ATF7IP: variants seen among roughly 807,000 people sequenced by gnomAD.
The protein encoded by ATF7IP is activating transcription factor 7-interacting protein 1.
Under a neutral mutation model 106.4 loss-of-function variants are expected in ATF7IP, and 23 were observed. The ratio of observed to expected loss-of-function variants is 0.22; its 90% CI spans 0.16 to 0.31. The LOEUF (loss-of-function observed/expected upper bound fraction) is 0.31, where lower values mean the gene tolerates loss of function less well. ATF7IP is among the 10% of genes least tolerant of loss of function. The pLI, the probability that ATF7IP is intolerant of heterozygous loss-of-function variation, is 1.00. For synonymous variants in ATF7IP, 542 were observed against 539.0 expected (o/e 1.01, Z -0.08); for missense variants, 1,334 against 1,524.3 (o/e 0.88, Z 2.08).
intron 1 of ATF7IP, among the ~76,000 whole-genome samples, chr12:14,422,358 A>ACAC (rs1565496370): frequency 7.8e-6 from 1 of 128,688 alleles, no homozygotes; most frequent in African/African-American, 2.9e-5. Context: ...CACACACACA[A>ACAC]CCTTTGTATT....
intron 1 of ATF7IP, among the ~76,000 whole-genome samples, chr12:14,388,604 C>T (rs1159241284): frequency 1.3e-5 from 2 of 152,272 alleles, no homozygotes; most frequent in Non-Finnish European, 2.9e-5. Flanking sequence ...GCCTAGGCCT[C>T]CCAAAGTGTT....
chr12:14,470,647 A>C (rs763651490), intron 10 of ATF7IP, among the ~76,000 whole-genome samples: 1 of 152,200 alleles, frequency 6.6e-6, no homozygotes, highest in Non-Finnish European at 1.5e-5. Context: ...GTAGAGCTAG[A>C]GCTAGTACTT....
chr12:14,371,422 A>G (rs183999762), intron 1 of ATF7IP, among the ~76,000 whole-genome samples: 1 of 152,128 alleles, frequency 6.6e-6, no homozygotes, highest in Admixed American at 6.5e-5. Context: ...AACACTGCTT[A>G]TAACAGCTTA....
intron 10 of ATF7IP, among the ~76,000 whole-genome samples, chr12:14,472,827 C>CAA (rs1364802561): frequency 6.6e-6 from 1 of 152,020 alleles, no homozygotes; most frequent in Non-Finnish European, 1.5e-5. Flanking sequence ...TATGCACACA[C>CAA]ACACACTATA....
chr12:14,401,627 G>A (rs1223110979), intron 1 of ATF7IP, among the ~76,000 whole-genome samples: 1 of 147,194 alleles, frequency 6.8e-6, no homozygotes, highest in Non-Finnish European at 1.5e-5. Flanking sequence ...GTTATATGCT[G>A]TCACATCTGA....
intron 1 of ATF7IP, chr12:14,367,399 G>GTAA (rs1422914223): frequency 6.6e-6 from 1 of 152,022 alleles, no homozygotes; most frequent in Non-Finnish European, 1.5e-5. Context: ...TTGACCTGAT[G>GTAA]TAATTCTTGG....
chr12:14,441,352 A>G (rs765493487), intron 5 of ATF7IP, among the ~76,000 whole-genome samples: 2 of 152,072 alleles, frequency 1.3e-5, no homozygotes, highest in Non-Finnish European at 2.9e-5. Context: ...TCAACTTTTC[A>G]TGTACTTGTT....
chr12:14,399,544 A>G (rs1565481871), intron 1 of ATF7IP, among the ~76,000 whole-genome samples: 1 of 151,888 alleles, frequency 6.6e-6, no homozygotes, highest in Non-Finnish European at 1.5e-5. Flanking sequence ...GACCTTTATT[A>G]TTGGAAAACT....
intron 1 of ATF7IP, among the ~76,000 whole-genome samples, chr12:14,372,679 T>A (rs1938577552): frequency 6.6e-6 from 1 of 152,116 alleles, no homozygotes; most frequent in South Asian, 2.1e-4. Context: ...TGGTAGTAAC[T>A]AGCTGTATTT....
rs893627429 is a variant in ATF7IP, at chr12:14,365,709, G to C, written c.-126G>C. On this transcript the variant is annotated 5_prime_UTR_variant, in exon 1 of 15. Transcript: ENST00000261168. ...ATCTGCGGAGGCGGCGGCGGTGGCA[G>C]CGGCGGCGCGGCGACTGAAGCGCGC... The C allele has an allele frequency of 6.4e-6, 1 of 156,998 alleles. No individual in the cohort carries two copies. Among genetic ancestry groups the C allele is most frequent in the Non-Finnish European group, 1.4e-5 (1 of 70,680 alleles). The allele number at this position is 156,998 out of a possible 1,614,324, so 9.7% of individuals were successfully genotyped here.
Position 14,465,777 on chromosome 12 carries a change from C to T in ATF7IP, c.2798-749C>T, listed in dbSNP as rs1024347319. Among the ~76,000 whole-genome samples the T allele has an allele frequency of 3.9e-5, 6 of 151,960 alleles. No homozygotes were observed. The East Asian group carries it at 1.2e-3, about 29-fold the overall frequency. On this transcript the variant is annotated intron_variant, in intron 9 of 14. Transcript: ENST00000261168. Reference sequence around the variant, plus strand: ...ATAAATTGTTTACTCTGTATGCATTCTGAAGATTTGCAAATGAAAGGAATG... The same window carrying T: ...ATAAATTGTTTACTCTGTATGCATTTTGAAGATTTGCAAATGAAAGGAATG...
rs1219202828 is a variant in ATF7IP at position 14,483,370 on chromosome 12, T to A, written c.3280+2185T>A. Among the ~76,000 whole-genome samples the A allele has an allele frequency of 5.9e-5, 9 of 152,266 alleles. No individual in the cohort carries two copies. The East Asian group carries it at 1.7e-3, about 29-fold the overall frequency. ...TCCGTTGTGGAGCAGTAGACTAACT[T>A]CTTCTTGGTAGTCCGGGACAGTCAC... is the stretch of plus-strand genomic sequence containing the variant. On this transcript the variant is annotated intron_variant, in intron 13 of 14. Transcript: ENST00000261168.
intron 1 of ATF7IP, among the ~76,000 whole-genome samples, chr12:14,400,750 A>G (rs1940146665): frequency 6.6e-6 from 1 of 152,182 alleles, no homozygotes; most frequent in African/African-American, 2.4e-5. Context: ...GTCCTTAAAA[A>G]TGGATGTGAC....
intron 10 of ATF7IP, among the ~76,000 whole-genome samples, chr12:14,475,503 A>G (rs1944229253): frequency 6.6e-6 from 1 of 152,172 alleles, no homozygotes; most frequent in South Asian, 2.1e-4. Context: ...ATTTTCTATA[A>G]CCCAATTCTA....
intron 1 of ATF7IP, among the ~76,000 whole-genome samples, chr12:14,398,012 T>TA (rs1461730293): frequency 6.6e-6 from 1 of 152,152 alleles, no homozygotes. Context: ...CATACTTTAA[T>TA]ATTTGAAACA....
chr12:14,434,812 G>A (rs1942321891), intron 3 of ATF7IP, among the ~76,000 whole-genome samples: 1 of 152,290 alleles, frequency 6.6e-6, no homozygotes, highest in South Asian at 2.1e-4. Flanking sequence ...GGGGCCAGAT[G>A]TAGTGGCTCA....
At chr12:14,460,188 T>C (rs1231000775) in intron 8 of ATF7IP, among the ~76,000 whole-genome samples, 1 of 152,222 alleles carries the variant, frequency 6.6e-6, no homozygotes, top group Non-Finnish European at 1.5e-5. Context: ...TTTATTTGTT[T>C]ACTAGTTAGG....
chr12:14,486,697 C>T (rs1402482248), intron 13 of ATF7IP, among the ~76,000 whole-genome samples: 1 of 152,212 alleles, frequency 6.6e-6, no homozygotes, highest in African/African-American at 2.4e-5. Flanking sequence ...CTAACTGCCA[C>T]TTTGCCTCTG....
intron 1 of ATF7IP, among the ~76,000 whole-genome samples, chr12:14,413,786 G>T (rs1180225242): frequency 6.6e-6 from 1 of 151,552 alleles, no homozygotes; most frequent in African/African-American, 2.4e-5. Context: ...TTTTTTCAAG[G>T]TGTTAATAAA....
Sources: allele counts gnomAD v4.1 joint callset (sites outside exome capture counted in the v4.1 genomes callset), GRCh38; gene constraint gnomAD v4.1.1; transcripts MANE v1.5; gene names NCBI Gene and HGNC (gene_info 2026-07-23, HGNC 2026-07-21).